The following DCDC2C variants were observed in gnomAD, a reference collection of about 807,000 sequenced individuals.
DCDC2C encodes doublecortin domain-containing protein 2C.
DCDC2C carries 44 observed loss-of-function variants against 45.0 expected under a neutral mutation model. The observed-to-expected ratio is 0.98, with a 90% CI of 0.77 to 1.26. The LOEUF is 1.26. Ranked by LOEUF, DCDC2C falls within the 50% of genes most tolerant of loss-of-function variation. The pLI, the probability that DCDC2C is intolerant of heterozygous loss-of-function variation, is 0.00. For missense variants in DCDC2C, 447 were observed against 468.9 expected (o/e 0.95, Z 0.43); for synonymous variants, 187 against 178.8 (o/e 1.05, Z -0.37).
At chr2:3,752,124 C>T (rs924007723) in intron 4 of DCDC2C, among the ~76,000 whole-genome samples, 1 of 152,182 alleles carries the variant, frequency 6.6e-6, no homozygotes, top group South Asian at 2.1e-4. Flanking sequence ...TCTTGGGACC[C>T]CAGCCCTTTG....
At chr2:3,735,814 A>AT (rs142534700) in intron 3 of DCDC2C, among the ~76,000 whole-genome samples, 25,966 of 145,344 alleles carry the variant, frequency 0.18, 2,227 homozygotes, top group East Asian at 0.26. Flanking sequence ...GGGTTTGACC[A>AT]TTTTTTTTTT....
chr2:3,742,346 C>CTAG (rs1669242329), intron 4 of DCDC2C, among the ~76,000 whole-genome samples: 1 of 152,166 alleles, frequency 6.6e-6, no homozygotes, highest in Non-Finnish European at 1.5e-5. Flanking sequence ...GCCGACCGTT[C>CTAG]AAGTTGCTAG....
rs1220859046 is a variant in DCDC2C at position 3,727,095 on chromosome 2, T to C, written c.416+16T>C. ...GACATATAAAGTGAGTATAATATTA[T>C]GGGTGAAAAAATCAAACTGTGCCAT... is the stretch of plus-strand genomic sequence containing the variant. On this transcript the variant is annotated intron_variant, in intron 3 of 10. Transcript: ENST00000399143. 1 of 1,541,548 alleles carries C rather than the reference T, an allele frequency of 6.5e-7. No individual in the cohort carries two copies. Among genetic ancestry groups the C allele is most frequent in the Non-Finnish European group, 8.8e-7 (1 of 1,139,394 alleles).
chr2:3,789,163 A>G (rs575820727), intron 10 of DCDC2C, among the ~76,000 whole-genome samples: 112 of 152,272 alleles, frequency 7.4e-4, no homozygotes, highest in Admixed American at 1.6e-3. Flanking sequence ...AATGTTTTCA[A>G]TGTGATGGAA....
At chr2:3,753,437 G>A (rs1049036374) in intron 5 of DCDC2C, among the ~76,000 whole-genome samples, 4 of 152,298 alleles carry the variant, frequency 2.6e-5, no homozygotes, top group African/African-American at 7.2e-5. Context: ...GGGTGGTTCC[G>A]AAGCCCATCT....
At chr2:3,834,365 A>C (rs548376168) in intron 10 of DCDC2C, among the ~76,000 whole-genome samples, 1 of 152,266 alleles carries the variant, frequency 6.6e-6, no homozygotes, top group Admixed American at 6.5e-5. Flanking sequence ...TGTCCCCTAC[A>C]AACCTGTTGT....
In DCDC2C at chr2:3,796,828, C is replaced by T. The variant is rs1442667144; in HGVS notation, c.1065+11728C>T. ...TCATCAAGGATATTGGTCTAAAATT[C>T]TCTTTTTTGGTTGTGTCTCTGCCCG... On this transcript the variant is annotated intron_variant, in intron 10 of 10. Transcript: ENST00000399143. Among the ~76,000 whole-genome samples, 547 of 151,050 alleles carry T rather than the reference C, an allele frequency of 3.6e-3. 2 individuals are homozygous for T. Among genetic ancestry groups the T allele is most frequent in the Non-Finnish European group, 6.5e-3 (443 of 67,696 alleles).
intron 10 of DCDC2C, among the ~76,000 whole-genome samples, chr2:3,836,840 C>T (rs1343596524): frequency 8.9e-5 from 12 of 135,584 alleles, no homozygotes; most frequent in South Asian, 5.0e-4. Context: ...CCAGCCTGGG[C>T]GACAGAGCGA....
intron 10 of DCDC2C, among the ~76,000 whole-genome samples, chr2:3,808,934 G>A (rs1043735042): frequency 1.3e-5 from 2 of 152,190 alleles, no homozygotes; most frequent in African/African-American, 4.8e-5. Context: ...GTAGTGCAGT[G>A]TAGGAATGAG....
At chr2:3,777,335 T>G (rs1670368746) in intron 8 of DCDC2C, among the ~76,000 whole-genome samples, 1 of 152,232 alleles carries the variant, frequency 6.6e-6, no homozygotes, top group Non-Finnish European at 1.5e-5. Context: ...TTGTTTTGTT[T>G]GTGTGACTAT....
intron 10 of DCDC2C, among the ~76,000 whole-genome samples, chr2:3,807,101 A>G (rs956372300): frequency 3.3e-5 from 5 of 150,942 alleles, no homozygotes; most frequent in African/African-American, 1.2e-4. Flanking sequence ...TTTTAACAGC[A>G]TGAGGATATA....
rs115808395 is a variant in DCDC2C at position 3,714,519 on chromosome 2, A to G, written c.339+5919A>G. Among the ~76,000 whole-genome samples, 1,339 of 152,314 alleles carry G rather than the reference A, an allele frequency of 8.8e-3. 22 individuals are homozygous for G. Among genetic ancestry groups the G allele is most frequent in the African/African-American group, 0.031 (1,272 of 41,570 alleles). On this transcript the variant is annotated intron_variant, in intron 2 of 10. Coordinates refer to ENST00000399143, the MANE Select transcript of DCDC2C (RefSeq NM_001287444.2). ...TTCCCCCCATGAAGGATCTGTTTCAATTCTGCTCTTTCAGTGGGCCTATCC... is the reference window on the plus strand; with the variant it reads ...TTCCCCCCATGAAGGATCTGTTTCAGTTCTGCTCTTTCAGTGGGCCTATCC...
intron 10 of DCDC2C, among the ~76,000 whole-genome samples, chr2:3,844,907 T>C (rs116114898): frequency 2.8e-4 from 42 of 152,332 alleles, no homozygotes; most frequent in African/African-American, 9.9e-4. Context: ...TTTACATAGT[T>C]ATCTCTAACA....
chr2:3,724,777 A>G (rs904017762), intron 2 of DCDC2C, among the ~76,000 whole-genome samples: 1 of 151,916 alleles, frequency 6.6e-6, no homozygotes. Flanking sequence ...TGACTTGGGG[A>G]GCAGAGCTCC....
chr2:3,769,771 G>A lies in DCDC2C; in HGVS notation c.954+360G>A, dbSNP rs139832437. 3.6e-3 allele frequency among the ~76,000 whole-genome samples: 545 copies of A among 152,300 alleles called. 2 individuals are homozygous for A. The highest frequency in any genetic ancestry group is 0.012 in the African/African-American group (507 of 41,558). ...GGGCCCTGTACCTCACAGAATTCCC[G>A]GCATGGAGGAGGCCTTAGTAATTTT... On this transcript the variant is annotated intron_variant, in intron 8 of 10. Transcript: ENST00000399143.
chr2:3,759,217 C>T (rs1235644614), intron 6 of DCDC2C, among the ~76,000 whole-genome samples: 2 of 152,158 alleles, frequency 1.3e-5, no homozygotes, highest in African/African-American at 4.8e-5. Flanking sequence ...TCAGAAGAGT[C>T]AGACTCTGGA....
intron 6 of DCDC2C, among the ~76,000 whole-genome samples, chr2:3,766,627 A>ATTTGC (rs1201618368): frequency 6.6e-6 from 1 of 152,158 alleles, no homozygotes; most frequent in Non-Finnish European, 1.5e-5. Flanking sequence ...AAAGATTGAA[A>ATTTGC]ACCTGGCAGT....
At chr2:3,825,178 C>T (rs541033044) in intron 10 of DCDC2C, among the ~76,000 whole-genome samples, 2 of 152,166 alleles carry the variant, frequency 1.3e-5, no homozygotes, top group Non-Finnish European at 2.9e-5. Context: ...CTTTTGTGAG[C>T]AATCGGTGAA....
chr2:3,820,468 C>T (rs563117382), intron 10 of DCDC2C, among the ~76,000 whole-genome samples: 3 of 151,960 alleles, frequency 2.0e-5, no homozygotes, highest in South Asian at 2.1e-4. Context: ...CAGGCATCCC[C>T]GCAATCGACT....
Sources: allele counts gnomAD v4.1 joint callset (sites outside exome capture counted in the v4.1 genomes callset), GRCh38; gene constraint gnomAD v4.1.1; transcripts MANE v1.5; gene names NCBI Gene and HGNC (gene_info 2026-07-23, HGNC 2026-07-21).